The following TLE3 variants were observed in gnomAD, a reference collection of about 807,000 sequenced individuals.
The protein encoded by TLE3 is transducin-like enhancer protein 3.
A neutral mutation model predicts 93.0 loss-of-function variants in TLE3; 14 were observed. The observed-to-expected ratio is 0.15, with a 90% CI of 0.10 to 0.24. TLE3 has a LOEUF of 0.24. Ranked by LOEUF, TLE3 falls within the 10% of genes least tolerant of loss-of-function variation. TLE3 has a pLI of 1.00. For missense variants in TLE3, 693 were observed against 1,046.6 expected (o/e 0.66, Z 4.66); for synonymous variants, 451 against 425.0 (o/e 1.06, Z -0.75).
chr15:70,067,785 A>G (rs1336910659), intron 6 of TLE3, among the ~76,000 whole-genome samples: 1 of 152,240 alleles, frequency 6.6e-6, no homozygotes, highest in Admixed American at 6.5e-5. Context: ...CGGCAGCCAC[A>G]GAAGCCATGG....
At position 70,058,268 on chromosome 15, in the gene TLE3, C is replaced by T. The variant is rs2291981; in HGVS notation, c.942G>A (p.Gly314=). The T allele has an allele frequency of 0.021, 33,724 of 1,611,058 alleles. 1,440 individuals carry two copies. The highest frequency in any genetic ancestry group is 0.2 in the East Asian group (9,170 of 44,810). Reference sequence around the variant, plus strand: ...TTGGGGTTGGTGTGTTGGACTTGAGCCCAGGGGTGGAGGATTTGTCGTTCT... The same window carrying T: ...TTGGGGTTGGTGTGTTGGACTTGAGTCCAGGGGTGGAGGATTTGTCGTTCT... The part of the protein sequence containing the change: ...LGHNDKSSTP[G]LKSNTPTPRN... Residue 314 remains glycine (G), a synonymous_variant, in exon 12 of 20, where the codon GGG becomes GGA. Coordinates refer to ENST00000451782, the MANE Select transcript of TLE3 (RefSeq NM_001105192.3). The surrounding 1 kb of genome is among the most constrained non-coding windows in gnomAD (Gnocchi z 4.1).
At chr15:70,094,924 T>G in intron 3 of TLE3, 1 of 235,360 alleles carries the variant, frequency 4.2e-6, no homozygotes, top group Admixed American at 5.2e-5. Context: ...TATTTAGCAC[T>G]GTGTCGAAGG....
intron 4 of TLE3, among the ~76,000 whole-genome samples, chr15:70,081,263 A>T (rs2057763858): frequency 6.6e-6 from 1 of 152,190 alleles, no homozygotes. Context: ...TTAGAACCCT[A>T]AATATTCCCG....
In TLE3 at chr15:70,050,027, G is replaced by T; in HGVS notation, c.*70C>A. On this transcript the variant is annotated 3_prime_UTR_variant, in exon 20 of 20. Transcript: ENST00000451782. ...TCCTCCGCCATCCTCGGGGCCCCTC[G>T]CCTGGGGGTCTCCCTGTCAGAGCCG... 2 of 1,419,200 alleles carry T rather than the reference G, an allele frequency of 1.4e-6. No individual in the cohort carries two copies. The highest frequency in any genetic ancestry group is 9.9e-7 in the Non-Finnish European group (1 of 1,007,522). 87.9% of individuals were successfully genotyped at this position (1,419,200 alleles called of 1,614,324 possible).
intron 5 of TLE3, among the ~76,000 whole-genome samples, chr15:70,075,186 T>C (rs573542094): frequency 6.6e-6 from 1 of 152,364 alleles, no homozygotes; most frequent in East Asian, 1.9e-4. Flanking sequence ...TGAACCCTAA[T>C]GTAAACTACG....
At chr15:70,076,066 A>G in intron 5 of TLE3, 30 bp downstream of exon 5, 5 of 1,610,454 alleles carry the variant, frequency 3.1e-6, no homozygotes, top group Non-Finnish European at 1.7e-6. Flanking sequence ...TTTGGAAAGA[A>G]AAGGAAGAAA....
chr15:70,054,278 G>T, intron 16 of TLE3, 160 bp downstream of exon 16: 1 of 1,025,088 alleles, frequency 9.8e-7, no homozygotes, highest in Non-Finnish European at 1.4e-6. Flanking sequence ...CTCGCATAAG[G>T]CAGGCGGAGC....
At chr15:70,083,336 T>C (rs943994215) in intron 4 of TLE3, among the ~76,000 whole-genome samples, 3 of 152,164 alleles carry the variant, frequency 2.0e-5, no homozygotes, top group African/African-American at 7.2e-5. Context: ...CCAATAATCT[T>C]TAAATATTTG....
intron 18 of TLE3, among the ~76,000 whole-genome samples, chr15:70,051,940 T>C (rs1335226863): frequency 6.6e-6 from 1 of 152,188 alleles, no homozygotes; most frequent in East Asian, 1.9e-4. Context: ...ATGAGCACCA[T>C]GCTATTCCCG....
chr15:70,052,536 G>A lies in TLE3; in HGVS notation c.1975-12C>T, dbSNP rs1440223217. The A allele has an allele frequency of 1.9e-6, 3 of 1,611,176 alleles. No individual in the cohort carries two copies. Among genetic ancestry groups the A allele is most frequent in the African/African-American group, 2.7e-5 (2 of 74,916 alleles). On this transcript the variant is annotated splice_polypyrimidine_tract_variant and intron_variant, in intron 17 of 19. Transcript: ENST00000451782. ...CCCAGCGAGAAGATCTGCAGGTGGT[G>A]GGAGGGCAGATGGACTGAGCTCAGC...
At chr15:70,075,090 C>T (rs1220607133) in intron 5 of TLE3, among the ~76,000 whole-genome samples, 1 of 152,218 alleles carries the variant, frequency 6.6e-6, no homozygotes, top group Non-Finnish European at 1.5e-5. Flanking sequence ...AGTATGTCTA[C>T]ATATACCTTA....
At position 70,054,267 on chromosome 15, in the gene TLE3, C is replaced by A. The variant is rs563990516; in HGVS notation, c.1826+171G>T. 1,032 of 930,156 alleles carry A rather than the reference C, an allele frequency of 1.1e-3. 1 individual carries two copies. The highest frequency in any genetic ancestry group is 1.5e-3 in the Non-Finnish European group (944 of 640,814). 57.6% of individuals were successfully genotyped at this position (930,156 alleles called of 1,614,324 possible). ...GCCCAATGGCCCTCCCTCCTCTGTCCCTCGCATAAGGCAGGCGGAGCTGTC... is the reference window on the plus strand; with the variant it reads ...GCCCAATGGCCCTCCCTCCTCTGTCACTCGCATAAGGCAGGCGGAGCTGTC... On this transcript the variant is annotated intron_variant, in intron 16 of 19. Coordinates refer to ENST00000451782, the MANE Select transcript of TLE3 (RefSeq NM_001105192.3).
At chr15:70,096,360 C>T in intron 1 of TLE3, 99 bp from the exon 2 acceptor site, 3 of 1,509,666 alleles carry the variant, frequency 2.0e-6, no homozygotes, top group Non-Finnish European at 2.6e-6. Context: ...CCAAAAGAGG[C>T]CACCCTCAGC....
At position 70,089,618 on chromosome 15, in the gene TLE3, T is replaced by C. The variant is rs1000839089; in HGVS notation, c.234+4914A>G. Among the ~76,000 whole-genome samples, 13 of 152,298 alleles carry C rather than the reference T, an allele frequency of 8.5e-5. No homozygotes were observed. In the East Asian group the frequency reaches 2.5e-3, roughly 29 times the overall value. ...TGTTTACTGAGCACCTATTACATAC[T>C]AAGTGCTATAGAGACCTCAGCAGAG... On this transcript the variant is annotated intron_variant, in intron 4 of 19. Transcript: ENST00000451782.
In TLE3 at chr15:70,053,230, G is replaced by C; in HGVS notation, c.1971C>G (p.Ser657=). 6.2e-7 allele frequency: 1 copy of C among 1,609,266 alleles called. No homozygotes were observed. Among genetic ancestry groups the C allele is most frequent in the Non-Finnish European group, 8.5e-7 (1 of 1,177,932 alleles). ...GGAGGAGTCTTGGGCCGCACACCTGGGAAGTGAAGTCATGCTGCTGTAGCT... is the reference window on the plus strand; with the variant it reads ...GGAGGAGTCTTGGGCCGCACACCTGCGAAGTGAAGTCATGCTGCTGTAGCT... The part of the protein sequence containing the change: ...GRQLQQHDFT[S]QIFSLGYCPT... Residue 657 remains serine, a synonymous_variant, in exon 17 of 20, where the codon TCC becomes TCG. Transcript: ENST00000451782.
intron 6 of TLE3, among the ~76,000 whole-genome samples, chr15:70,068,259 C>T (rs2056941604): frequency 6.6e-6 from 1 of 152,204 alleles, no homozygotes. Flanking sequence ...TGAAAATCTA[C>T]ACATTTCAAA....
intron 3 of TLE3, 64 bp from the exon 4 acceptor site, chr15:70,094,640 T>G: frequency 7.8e-7 from 1 of 1,287,382 alleles, no homozygotes; most frequent in Admixed American, 2.7e-5. Context: ...TCAAAATCAG[T>G]TTTTTCTTGG....
intron 3 of TLE3, among the ~76,000 whole-genome samples, chr15:70,095,163 C>A (rs1356067337): frequency 6.6e-6 from 1 of 152,198 alleles, no homozygotes; most frequent in African/African-American, 2.4e-5. Context: ...TAGATCCCAG[C>A]TGCAAAGCAG....
rs1376408184 is a variant in TLE3, at chr15:70,058,190, C to T, written c.1020G>A (p.Met340Ile). 4 of 1,613,894 alleles carry T rather than the reference C, an allele frequency of 2.5e-6. No homozygotes were observed. Among genetic ancestry groups the T allele is most frequent in the South Asian group, 2.2e-5 (2 of 91,084 alleles). The change falls in exon 12 of 20, where the codon ATG (methionine) becomes ATA (isoleucine). Residue 340 changes from methionine (M) to isoleucine (I), a missense_variant. Transcript: ENST00000451782. This position sits in a 1 kb window ranked among gnomAD's most constrained non-coding sequence, Gnocchi z 4.1. The part of the protein sequence containing the change: ...GTSTTPGLRS[M>I]PGKPPGMDPI... ...GGTCCATGCCCGGAGGTTTACCCGG[C>T]ATCGACCTGAGCCCTGGGGTCGTGC... is the stretch of plus-strand genomic sequence containing the variant.
Sources: gnomAD v4.1 joint callset for allele counts (sites outside exome capture counted in the v4.1 genomes callset) on GRCh38, gnomAD v4.1.1 for gene constraint, Gnocchi (gnomAD v3.1) non-coding constraint, MANE v1.5 for transcripts, NCBI Gene and HGNC (gene_info 2026-07-23, HGNC 2026-07-21) for gene names.